The following NDST2 variants were observed in gnomAD, a reference collection of about 807,000 sequenced individuals.
NDST2 encodes the protein bifunctional heparan sulfate N-deacetylase/N-sulfotransferase 2.
Under a neutral mutation model 86.9 loss-of-function variants are expected in NDST2, and 32 were observed. That is an observed-to-expected ratio of 0.37 (90% CI 0.28 to 0.49). The LOEUF (loss-of-function observed/expected upper bound fraction) is 0.49, where lower values mean the gene tolerates loss of function less well. Among genes scored for constraint, NDST2 ranks in the 20% least tolerant of loss-of-function variants. The pLI is 0.97. For synonymous variants in NDST2, 409 were observed against 437.0 expected (o/e 0.94, Z 0.80); for missense variants, 950 against 1,146.9 (o/e 0.83, Z 2.48).
chr10:73,810,461 AAAAAATAAAAAT>A (rs767609292), intron 2 of NDST2, among the ~76,000 whole-genome samples: 6 of 152,094 alleles, frequency 3.9e-5, no homozygotes, highest in South Asian at 2.1e-4. Flanking sequence ...CCAGCTCAAA[AAAAAATAAAAAT>A]AAAAATAAAA....
At chr10:73,802,847 C>T (rs897671468) in intron 13 of NDST2, 71 bp from the exon 14 acceptor site, 2 of 1,516,478 alleles carry the variant, frequency 1.3e-6, no homozygotes, top group Admixed American at 1.7e-5. Context: ...GCACAATGCC[C>T]TTCCCTGCCC....
rs775506030 is a variant in NDST2 at position 73,806,717 on chromosome 10, G to A, written c.1188C>T (p.His396=). Residue 396 remains histidine, a synonymous_variant, in exon 5 of 15, where the codon CAC becomes CAT. Transcript: ENST00000309979. This position sits in a 1 kb window ranked among gnomAD's most constrained non-coding sequence, Gnocchi z 4.5. ...FPHMWSHMQP[H]LFHNRSVLAD... ...CCAGCACGGAGCGATTGTGGAACAG[G>A]TGTGGCTGCATGTGGCTCCACATGT... 1 of 1,614,172 alleles carries A rather than the reference G, an allele frequency of 6.2e-7. No homozygotes were observed. The highest frequency in any genetic ancestry group is 1.1e-5 in the South Asian group (1 of 91,084).
In NDST2 at chr10:73,806,134, C is replaced by G; in HGVS notation, c.1435-106G>C. ...TGAGTCTGAAGTTATAGCAATAAAGCTCTTACTGAGGGTGTTAAAATTTTT... is the reference window on the plus strand; with the variant it reads ...TGAGTCTGAAGTTATAGCAATAAAGGTCTTACTGAGGGTGTTAAAATTTTT... On this transcript the variant is annotated intron_variant, in intron 6 of 14. Coordinates refer to ENST00000309979, the MANE Select transcript of NDST2 (RefSeq NM_003635.4). This position sits in a 1 kb window ranked among gnomAD's most constrained non-coding sequence, Gnocchi z 4.5. The G allele has an allele frequency of 2.0e-6, 3 of 1,537,340 alleles. No individual in the cohort carries two copies. Among genetic ancestry groups the G allele is most frequent in the Non-Finnish European group, 2.7e-6 (3 of 1,125,592 alleles).
At chr10:73,804,166 G>T in intron 9 of NDST2, 150 bp from the exon 10 acceptor site, 1 of 801,528 alleles carries the variant, frequency 1.2e-6, no homozygotes, top group Non-Finnish European at 2.0e-6. Flanking sequence ...AAGTCTGAGA[G>T]AGGCCCAGGG....
Position 73,808,233 on chromosome 10 carries a change from C to T in NDST2, c.156G>A (p.Leu52=), listed in dbSNP as rs776028185. ...CTGCCCCACCGCTGCTGCAGTCTCC[C>T]AAGGGCAGGGGCAAGGGTTCCTTGG... ...PKAKEPLPLP[L]GDCSSGGAAG... Residue 52 remains leucine, a synonymous_variant, in exon 3 of 15, where the codon TTG becomes TTA. Coordinates refer to ENST00000309979, the MANE Select transcript of NDST2 (RefSeq NM_003635.4). This position sits in a 1 kb window ranked among gnomAD's most constrained non-coding sequence, Gnocchi z 4.3. 1.2e-6 allele frequency: 2 copies of T among 1,611,864 alleles called. No homozygotes were observed. Among genetic ancestry groups the T allele is most frequent in the Non-Finnish European group, 1.7e-6 (2 of 1,178,946 alleles).
chr10:73,804,722 G>T (rs746996451), intron 9 of NDST2, 51 bp downstream of exon 9: 9 of 1,096,338 alleles, frequency 8.2e-6, no homozygotes, highest in Non-Finnish European at 1.2e-5. Flanking sequence ...TTGACAAAAG[G>T]ATCCTTTGGG....
chr10:73,805,424 G>A (rs1360513683), intron 8 of NDST2, among the ~76,000 whole-genome samples, 163 bp downstream of exon 8: 1 of 152,082 alleles, frequency 6.6e-6, no homozygotes, highest in Admixed American at 6.5e-5. Context: ...TGAGGCAGGA[G>A]AATCGCTTGA....
intron 8 of NDST2, among the ~76,000 whole-genome samples, chr10:73,805,338 C>A (rs1247453411): frequency 6.6e-6 from 1 of 151,812 alleles, no homozygotes; most frequent in African/African-American, 2.4e-5. Flanking sequence ...CATGGTGAAA[C>A]CCCGTCTCTA....
rs757793554 is a variant in NDST2, at chr10:73,803,000, G to T, written c.2395C>A (p.Pro799Thr). Residue 799 changes from proline to threonine, a missense_variant, in exon 13 of 15, where the codon CCC becomes ACC. Around this residue, in one of 5 missense-constraint regions of NDST2, gnomAD observed 303 missense variants for 323.7 expected, o/e 0.94. Transcript: ENST00000309979. ...AGGGTCCGTGTGTAGTTCAGAAAGG[G>T]TGTGATACCCAGGAACTTCTGGATG... ...ESIQKFLGIT[P>T]FLNYTRTLRF... The T allele has an allele frequency of 1.9e-6, 3 of 1,614,182 alleles. No homozygotes were observed. Among genetic ancestry groups the T allele is most frequent in the Admixed American group, 3.3e-5 (2 of 60,020 alleles).
Position 73,808,134 on chromosome 10 carries a change from G to A in NDST2, c.255C>T (p.Pro85=), listed in dbSNP as rs138811491. Residue 85 remains proline, a synonymous_variant, in exon 3 of 15, where the codon CCC becomes CCT. Transcript: ENST00000309979. This position sits in a 1 kb window ranked among gnomAD's most constrained non-coding sequence, Gnocchi z 4.3. The stretch of plus-strand genomic sequence containing the variant: ...CACTCTCCACAAACACAAGGACCAC[G>A]GGTTCAGTTCGAGCTGTCTCTGGAG... ...PRPPETARTE[P]VVLVFVESAY... The A allele has an allele frequency of 4.6e-5, 74 of 1,614,116 alleles. No homozygotes were observed. The highest frequency in any genetic ancestry group is 4.4e-4 in the African/African-American group (33 of 74,940).
rs781318696 is a variant in NDST2 at position 73,803,537 on chromosome 10, C to T, written c.2142+37G>A. ...GTCACTGTCCCCTCCCCCCTCCCCC[C>T]AACCTTTAGCCTGTGTGTCCCTAGC... On this transcript the variant is annotated intron_variant, in intron 11 of 14. Transcript: ENST00000309979. The T allele has an allele frequency of 3.7e-6, 5 of 1,341,304 alleles. No individual in the cohort carries two copies. The East Asian group carries it at 1.2e-4, about 33-fold the overall frequency. The allele number at this position is 1,341,304 out of a possible 1,614,324, so 83.1% of individuals were successfully genotyped here.
In NDST2 at chr10:73,808,395, G is replaced by A. The variant is rs2132875167; in HGVS notation, c.-7C>T. 3 of 1,579,978 alleles carry A rather than the reference G, an allele frequency of 1.9e-6. No homozygotes were observed. Among genetic ancestry groups the A allele is most frequent in the East Asian group, 2.3e-5 (1 of 43,530 alleles). On this transcript the variant is annotated 5_prime_UTR_variant, in exon 3 of 15. Coordinates refer to ENST00000309979, the MANE Select transcript of NDST2 (RefSeq NM_003635.4). The surrounding 1 kb of genome is among the most constrained non-coding windows in gnomAD (Gnocchi z 4.3). Reference sequence around the variant, plus strand: ...CCTTCCACAACTGGAGCATGGCGGGGGGAGGAAGGGAGGGAGGAATGGGGA... The same window carrying A: ...CCTTCCACAACTGGAGCATGGCGGGAGGAGGAAGGGAGGGAGGAATGGGGA...
chr10:73,806,564 C>T lies in NDST2; in HGVS notation c.1249-90G>A, dbSNP rs915670646. The T allele has an allele frequency of 7.4e-5, 115 of 1,562,124 alleles. No individual in the cohort carries two copies. In the Admixed American group the frequency reaches 1.6e-3, roughly 21 times the overall value. On this transcript the variant is annotated intron_variant, in intron 5 of 14. Transcript: ENST00000309979. The surrounding 1 kb of genome is among the most constrained non-coding windows in gnomAD (Gnocchi z 4.5). Reference sequence around the variant, plus strand: ...GGGGAAGCCTCCAAATAAAGAAAAACGCAAAGGATAGGAAAAGGGTAGCCC... The same window carrying T: ...GGGGAAGCCTCCAAATAAAGAAAAATGCAAAGGATAGGAAAAGGGTAGCCC...
In NDST2 at chr10:73,804,079, A is replaced by G. The variant is rs532445576; in HGVS notation, c.1844-63T>C. 1.3e-5 allele frequency: 21 copies of G among 1,585,580 alleles called. 1 individual carries two copies. In the South Asian group the frequency reaches 2.1e-4, roughly 16 times the overall value. On this transcript the variant is annotated intron_variant, in intron 9 of 14. Transcript: ENST00000309979. ...GTGGGAGGGAAGCCAGCTCAACAGCATAAGCTTGAAGGAAGTGAAAAAATA... is the reference window on the plus strand; with the variant it reads ...GTGGGAGGGAAGCCAGCTCAACAGCGTAAGCTTGAAGGAAGTGAAAAAATA...
Position 73,808,566 on chromosome 10 carries a change from G to T in NDST2, c.-178C>A. 3.2e-6 allele frequency: 2 copies of T among 621,008 alleles called. No homozygotes were observed. The highest frequency in any genetic ancestry group is 5.5e-6 in the Non-Finnish European group (2 of 363,902). The allele number at this position is 621,008 out of a possible 1,614,324, so 38.5% of individuals were successfully genotyped here. On this transcript the variant is annotated 5_prime_UTR_variant, in exon 3 of 15. Transcript: ENST00000309979. This position sits in a 1 kb window ranked among gnomAD's most constrained non-coding sequence, Gnocchi z 4.3. ...GTCCCCTTAGCATAGGGTAGGGGAGGTAGAAGGGGAAGCAGGGGGCAACTA... is the reference window on the plus strand; with the variant it reads ...GTCCCCTTAGCATAGGGTAGGGGAGTTAGAAGGGGAAGCAGGGGGCAACTA...
Position 73,805,625 on chromosome 10 carries a change from A to G in NDST2, c.1708T>C (p.Phe570Leu), listed in dbSNP as rs745960294. 10 of 1,614,102 alleles carry G rather than the reference A, an allele frequency of 6.2e-6. No individual in the cohort carries two copies. The highest frequency in any genetic ancestry group is 8.5e-6 in the Non-Finnish European group (10 of 1,180,054). ...LPPVPLAQKY[F>L]ELFPQERSPL... ...CTTCGCTCCTGAGGGAAAAGTTCAA[A>G]GTACTTCTGTGCAAGTGGGACAGGA... The change falls in exon 8 of 15, where the codon TTT (phenylalanine) becomes CTT (leucine). Residue 570 changes from phenylalanine (F) to leucine (L), a missense_variant. Around this residue, in one of 5 missense-constraint regions of NDST2, gnomAD observed 586 missense variants for 714.0 expected, o/e 0.82. Transcript: ENST00000309979.
chr10:73,803,535 C>G (rs2084043877), intron 11 of NDST2, 39 bp downstream of exon 11: 3 of 1,205,740 alleles, frequency 2.5e-6, no homozygotes, highest in Non-Finnish European at 3.5e-6. Context: ...CCCCCCTCCC[C>G]CCAACCTTTA....
At chr10:73,805,542 C>A (rs879237245) in intron 8 of NDST2, 45 bp downstream of exon 8, 14 of 1,586,860 alleles carry the variant, frequency 8.8e-6, no homozygotes, top group South Asian at 1.1e-5. Context: ...ACAAAAAACA[C>A]CCCACCCCTA....
rs772090843 is a variant in NDST2 at position 73,805,629 on chromosome 10, C to T, written c.1704G>A (p.Lys568=). 7 of 1,614,092 alleles carry T rather than the reference C, an allele frequency of 4.3e-6. No individual in the cohort carries two copies. In the East Asian group the frequency reaches 1.6e-4, roughly 36 times the overall value. ...QTLPPVPLAQ[K]YFELFPQERS... The stretch of plus-strand genomic sequence containing the variant: ...GCTCCTGAGGGAAAAGTTCAAAGTA[C>T]TTCTGTGCAAGTGGGACAGGAGGAA... The change falls in exon 8 of 15, where the codon AAG becomes AAA. Residue 568 remains lysine, a synonymous_variant. Transcript: ENST00000309979.
Sources: gnomAD v4.1 joint callset for allele counts (sites outside exome capture counted in the v4.1 genomes callset) on GRCh38, gnomAD v4.1.1 for gene constraint, gnomAD v4.1.1 regional missense constraint, Gnocchi (gnomAD v3.1) non-coding constraint, MANE v1.5 for transcripts, NCBI Gene and HGNC (gene_info 2026-07-23, HGNC 2026-07-21) for gene names.